Variants in GUCY1A1 observed in about 807,000 individuals in gnomAD.
GUCY1A1 encodes guanylate cyclase soluble subunit alpha-1.
In GUCY1A1, 48 loss-of-function variants were observed where a neutral mutation model predicts 64.5. The observed-to-expected ratio is 0.74, with a 90% CI of 0.59 to 0.95. The LOEUF (loss-of-function observed/expected upper bound fraction) is 0.95. Ranked by LOEUF, GUCY1A1 falls within the 40% of genes least tolerant of loss-of-function variation. GUCY1A1 has a pLI of 0.00. For synonymous variants in GUCY1A1, 308 were observed against 303.4 expected (o/e 1.02, Z -0.16); for missense variants, 804 against 825.3 (o/e 0.97, Z 0.32).
At chr4:155,711,357 A>C (rs1732552616) in intron 6 of GUCY1A1, 106 bp downstream of exon 6, 2 of 609,706 alleles carry the variant, frequency 3.3e-6, no homozygotes, top group East Asian at 5.5e-5. Context: ...TTGATAAAAC[A>C]TATGTAAAAC....
Position 155,717,314 on chromosome 4 carries a change from G to A in GUCY1A1, c.1716+12G>A. ...GAGAACCTATCAAGGTAAGGCAGATGATATATTGTCCAAAAGATGTCACAA... is the reference window on the plus strand; with the variant it reads ...GAGAACCTATCAAGGTAAGGCAGATAATATATTGTCCAAAAGATGTCACAA... On this transcript the variant is annotated intron_variant, in intron 8 of 9. Transcript: ENST00000506455. 1.8e-5 allele frequency: 27 copies of A among 1,540,576 alleles called. No homozygotes were observed. Among genetic ancestry groups the A allele is most frequent in the Middle Eastern group, 1.7e-4 (1 of 5,728 alleles).
chr4:155,711,426 T>G, intron 6 of GUCY1A1, 175 bp downstream of exon 6: 1 of 461,504 alleles, frequency 2.2e-6, no homozygotes, highest in African/African-American at 2.0e-5. Flanking sequence ...TCTGCATTTG[T>G]TTGCTTACTT....
intron 9 of GUCY1A1, among the ~76,000 whole-genome samples, chr4:155,728,084 A>G (rs559342058): frequency 6.6e-6 from 1 of 152,064 alleles, no homozygotes; most frequent in South Asian, 2.1e-4. Flanking sequence ...CCCAGTGAAC[A>G]TATCCATATC....
At chr4:155,671,121 A>T (rs1275019818) in intron 2 of GUCY1A1, among the ~76,000 whole-genome samples, 2 of 152,144 alleles carry the variant, frequency 1.3e-5, no homozygotes, top group East Asian at 3.9e-4. Context: ...TGTCATTGTT[A>T]TTCTTGAATT....
intron 2 of GUCY1A1, among the ~76,000 whole-genome samples, chr4:155,682,375 A>C (rs1331812478): frequency 6.6e-6 from 1 of 152,080 alleles, no homozygotes; most frequent in Non-Finnish European, 1.5e-5. Flanking sequence ...AAAATTTCTT[A>C]TATATACATA....
intron 2 of GUCY1A1, among the ~76,000 whole-genome samples, chr4:155,674,065 G>A (rs534102113): frequency 7.3e-5 from 11 of 151,310 alleles, no homozygotes; most frequent in Non-Finnish European, 1.5e-4. Flanking sequence ...CAGTGAAAAC[G>A]TGTGCTATGG....
chr4:155,713,681 C>T (rs534695162), intron 7 of GUCY1A1, 98 bp downstream of exon 7: 2 of 1,322,546 alleles, frequency 1.5e-6, no homozygotes, highest in East Asian at 4.9e-5. Context: ...TGAAAGGCCA[C>T]CTCTGTAGGG....
At chr4:155,709,774 A>G (rs1032284041) in intron 5 of GUCY1A1, among the ~76,000 whole-genome samples, 1 of 152,168 alleles carries the variant, frequency 6.6e-6, no homozygotes, top group African/African-American at 2.4e-5. Flanking sequence ...CAGAGCTTAC[A>G]GTGAGCCGAG....
At chr4:155,679,665 C>T (rs1052864718) in intron 2 of GUCY1A1, among the ~76,000 whole-genome samples, 1 of 152,194 alleles carries the variant, frequency 6.6e-6, no homozygotes, top group Non-Finnish European at 1.5e-5. Context: ...ACTCCACATT[C>T]AACACTGAAG....
At chr4:155,670,938 C>CT (rs1734065141) in intron 2 of GUCY1A1, among the ~76,000 whole-genome samples, 1 of 152,090 alleles carries the variant, frequency 6.6e-6, no homozygotes, top group Admixed American at 6.6e-5. Flanking sequence ...TAATCCTGAC[C>CT]TTTTTTTCTA....
intron 8 of GUCY1A1, among the ~76,000 whole-genome samples, chr4:155,718,500 G>A (rs887691606): frequency 1.2e-4 from 18 of 152,106 alleles, no homozygotes; most frequent in African/African-American, 3.4e-4. Flanking sequence ...TACCTCGTCT[G>A]TGCTCTACAA....
chr4:155,668,575 T>A (rs1322893836), intron 2 of GUCY1A1, among the ~76,000 whole-genome samples: 5 of 152,244 alleles, frequency 3.3e-5, no homozygotes, highest in African/African-American at 1.2e-4. Context: ...CGTCAAACTT[T>A]CCTGTTACAT....
intron 2 of GUCY1A1, among the ~76,000 whole-genome samples, chr4:155,693,049 ACT>A (rs1729961733): frequency 6.6e-6 from 1 of 151,534 alleles, no homozygotes; most frequent in African/African-American, 2.4e-5. Flanking sequence ...ACAGAGTGAG[ACT>A]CTGTCTCCAA....
chr4:155,704,222 G>A (rs1442237860), intron 4 of GUCY1A1, among the ~76,000 whole-genome samples: 4 of 152,140 alleles, frequency 2.6e-5, no homozygotes, highest in Admixed American at 6.6e-5. Flanking sequence ...TTTTATAGCC[G>A]TTTAAGGAAA....
chr4:155,719,840 A>T (rs1423203300), intron 8 of GUCY1A1, among the ~76,000 whole-genome samples: 1 of 152,106 alleles, frequency 6.6e-6, no homozygotes, highest in African/African-American at 2.4e-5. Flanking sequence ...GGGCTATGCC[A>T]CAAGTGGTCT....
rs1733341452 is a variant in GUCY1A1, at chr4:155,717,095, TC to T, written c.1573-62del. 5 of 1,143,822 alleles carry T rather than the reference TC, an allele frequency of 4.4e-6. No individual in the cohort carries two copies. In the East Asian group the frequency reaches 1.3e-4, roughly 30 times the overall value. 70.9% of individuals were successfully genotyped at this position (1,143,822 alleles called of 1,614,324 possible). A position where few individuals can be genotyped will look rare whatever the true frequency, so the allele number is the denominator to read the frequency against. ...CTGCTATATGACTTAATTTCTTCTA[TC>T]CGATGTAGGCTGTGATTCTTCCTGA... On this transcript the variant is annotated intron_variant, in intron 7 of 9. Transcript: ENST00000506455.
At chr4:155,709,563 G>A (rs2126842852) in intron 5 of GUCY1A1, among the ~76,000 whole-genome samples, 1 of 152,320 alleles carries the variant, frequency 6.6e-6, no homozygotes, top group East Asian at 1.9e-4. Flanking sequence ...GCAAGGCATG[G>A]TGGTTCACGC....
chr4:155,720,990 A>G (rs758016116), intron 8 of GUCY1A1, among the ~76,000 whole-genome samples: 4 of 152,134 alleles, frequency 2.6e-5, no homozygotes, highest in Non-Finnish European at 4.4e-5. Context: ...TTGGCTAGGC[A>G]AGGTGACTTA....
At chr4:155,684,928 C>T (rs2126641577) in intron 2 of GUCY1A1, among the ~76,000 whole-genome samples, 1 of 152,266 alleles carries the variant, frequency 6.6e-6, no homozygotes, top group Non-Finnish European at 1.5e-5. Flanking sequence ...TCATTTTATT[C>T]TGTACACTAA....
Sources: gnomAD v4.1 joint callset for allele counts (sites outside exome capture counted in the v4.1 genomes callset) on GRCh38, gnomAD v4.1.1 for gene constraint, MANE v1.5 for transcripts, NCBI Gene and HGNC (gene_info 2026-07-23, HGNC 2026-07-21) for gene names.